The following EPHA6 variants were observed in gnomAD, a reference collection of about 807,000 sequenced individuals.
EPHA6 encodes EPH receptor A6.
Under a neutral mutation model 112.0 loss-of-function variants are expected in EPHA6, and 50 were observed. That is an observed-to-expected ratio of 0.45 (90% CI 0.36 to 0.56). EPHA6 has a LOEUF of 0.56. EPHA6 is among the 20% of genes least tolerant of loss of function. The pLI, the probability that EPHA6 is intolerant of heterozygous loss-of-function variation, is 0.00. For synonymous variants in EPHA6, 529 were observed against 490.7 expected (o/e 1.08, Z -1.03); for missense variants, 1,280 against 1,417.4 (o/e 0.90, Z 1.56).
intron 6 of EPHA6, among the ~76,000 whole-genome samples, chr3:97,444,896 A>T (rs1469851921): frequency 1.3e-5 from 2 of 152,098 alleles, no homozygotes; most frequent in East Asian, 3.9e-4. Context: ...TCAGTGTGAC[A>T]GTATGATTCC....
chr3:97,534,469 T>G (rs1353509429), intron 11 of EPHA6, among the ~76,000 whole-genome samples: 1 of 150,558 alleles, frequency 6.6e-6, no homozygotes, highest in South Asian at 2.1e-4. Context: ...CCTTTTTTTT[T>G]TTTTGCTTTT....
chr3:97,315,365 T>C (rs1157669983), intron 5 of EPHA6, among the ~76,000 whole-genome samples: 1 of 151,686 alleles, frequency 6.6e-6, no homozygotes, highest in Non-Finnish European at 1.5e-5. Context: ...CATAAAGTCG[T>C]GGCATAACAA....
intron 3 of EPHA6, among the ~76,000 whole-genome samples, chr3:97,032,205 C>T (rs1441565894): frequency 1.3e-5 from 2 of 152,032 alleles, no homozygotes; most frequent in Non-Finnish European, 2.9e-5. Flanking sequence ...GGACAAAAAA[C>T]CAAACACCGC....
intron 2 of EPHA6, among the ~76,000 whole-genome samples, chr3:96,916,168 T>G (rs576748905): frequency 6.6e-6 from 1 of 152,240 alleles, no homozygotes; most frequent in South Asian, 2.1e-4. Context: ...GTGGAAATAT[T>G]TGAGCTTCTT....
intron 14 of EPHA6, among the ~76,000 whole-genome samples, chr3:97,642,451 AC>A (rs2094017033): frequency 6.9e-6 from 1 of 145,748 alleles, no homozygotes; most frequent in South Asian, 2.3e-4. Context: ...AATGACTTTG[AC>A]GAGCTGAGAG....
intron 2 of EPHA6, among the ~76,000 whole-genome samples, chr3:96,928,987 C>A (rs988661890): frequency 3.9e-5 from 6 of 152,166 alleles, no homozygotes; most frequent in Non-Finnish European, 8.8e-5. Flanking sequence ...TCCTCAGTCT[C>A]AATATTTTGA....
intron 2 of EPHA6, among the ~76,000 whole-genome samples, chr3:96,919,036 TC>T (rs1224081066): frequency 6.6e-6 from 1 of 151,984 alleles, no homozygotes; most frequent in Non-Finnish European, 1.5e-5. Context: ...TGTCACAATT[TC>T]TTTAAGACAA....
At chr3:96,821,440 A>C (rs1330370414) in intron 1 of EPHA6, among the ~76,000 whole-genome samples, 7 of 151,896 alleles carry the variant, frequency 4.6e-5, no homozygotes, top group African/African-American at 9.7e-5. Context: ...TAAATAAACT[A>C]TATAACTTCT....
chr3:97,155,486 C>A (rs554212514), intron 3 of EPHA6, among the ~76,000 whole-genome samples: 1 of 152,226 alleles, frequency 6.6e-6, no homozygotes, highest in Admixed American at 6.5e-5. Flanking sequence ...GTTGCAGTTG[C>A]ATAACAGATA....
chr3:97,130,570 A>G (rs1159547036), intron 3 of EPHA6, among the ~76,000 whole-genome samples: 1 of 152,078 alleles, frequency 6.6e-6, no homozygotes. Context: ...ATTTCCTTAA[A>G]CAGACTTTAC....
At chr3:97,230,273 G>A (rs1210083561) in intron 4 of EPHA6, among the ~76,000 whole-genome samples, 1 of 152,112 alleles carries the variant, frequency 6.6e-6, no homozygotes, top group African/African-American at 2.4e-5. Flanking sequence ...AATTGAGAAG[G>A]CTTAGAGTTA....
intron 6 of EPHA6, among the ~76,000 whole-genome samples, chr3:97,442,098 A>G (rs1458306853): frequency 6.6e-6 from 1 of 152,184 alleles, no homozygotes; most frequent in Non-Finnish European, 1.5e-5. Context: ...ACTTAGAAAC[A>G]AGAATAGAAA....
chr3:97,373,603 G>T (rs766926718), intron 5 of EPHA6, among the ~76,000 whole-genome samples: 1 of 152,120 alleles, frequency 6.6e-6, no homozygotes, highest in African/African-American at 2.4e-5. Context: ...CAGCCATAAA[G>T]TCAGTAACTT....
chr3:96,916,701 A>T (rs2039499118), intron 2 of EPHA6, among the ~76,000 whole-genome samples: 1 of 152,146 alleles, frequency 6.6e-6, no homozygotes, highest in African/African-American at 2.4e-5. Flanking sequence ...CTAATATCAT[A>T]GATTACGTCA....
chr3:96,984,966 T>C (rs1221520422), intron 2 of EPHA6, among the ~76,000 whole-genome samples: 1 of 152,210 alleles, frequency 6.6e-6, no homozygotes. Flanking sequence ...TGCTTGGCTA[T>C]GAAAGGGAAT....
At chr3:97,138,671 C>T (rs2075822205) in intron 3 of EPHA6, among the ~76,000 whole-genome samples, 1 of 152,202 alleles carries the variant, frequency 6.6e-6, no homozygotes, top group Admixed American at 6.5e-5. Flanking sequence ...GTAATCTAAT[C>T]TCAAACCAAG....
intron 3 of EPHA6, among the ~76,000 whole-genome samples, chr3:97,179,002 G>A (rs558941626): frequency 2.6e-5 from 4 of 151,754 alleles, no homozygotes; most frequent in African/African-American, 7.3e-5. Flanking sequence ...TCTAGATACT[G>A]TAGAATCTAG....
chr3:97,701,163 C>A (rs1286476792), intron 14 of EPHA6, among the ~76,000 whole-genome samples: 1 of 152,058 alleles, frequency 6.6e-6, no homozygotes, highest in Non-Finnish European at 1.5e-5. Context: ...CTAATGGAAC[C>A]TATAAACCAA....
At position 96,815,107 on chromosome 3, in the gene EPHA6, T is replaced by C. The variant is rs938375547; in HGVS notation, c.385+99T>C. 46 of 1,206,272 alleles carry C rather than the reference T, an allele frequency of 3.8e-5. No individual in the cohort carries two copies. In the African/African-American group the frequency reaches 6.5e-4, roughly 17 times the overall value. The allele number at this position is 1,206,272 out of a possible 1,614,324, so 74.7% of individuals were successfully genotyped here. A position where few individuals can be genotyped will look rare whatever the true frequency, so the allele number is the denominator to read the frequency against. ...TCCTGCAGGTAACTTTGTACAGGGG[T>C]CAGAGTCTCCTGGCTCGCCACACGA... On this transcript the variant is annotated intron_variant, in intron 1 of 17. Coordinates refer to ENST00000389672, the MANE Select transcript of EPHA6 (RefSeq NM_001080448.3).
Sources: allele counts gnomAD v4.1 joint callset (sites outside exome capture counted in the v4.1 genomes callset), GRCh38; gene constraint gnomAD v4.1.1; transcripts MANE v1.5; gene names NCBI Gene and HGNC (gene_info 2026-07-23, HGNC 2026-07-21).